LAMB4: variants seen among roughly 807,000 people sequenced by gnomAD.
The protein encoded by LAMB4 is laminin subunit beta 4, also known as laminin subunit beta-4.
LAMB4 carries 196 observed loss-of-function variants against 199.2 expected under a neutral mutation model. The ratio of observed to expected loss-of-function variants is 0.98; its 90% CI spans 0.88 to 1.11. LAMB4 has a LOEUF of 1.11. LAMB4 is among the 50% of genes least tolerant of loss of function. The pLI, the probability that LAMB4 is intolerant of heterozygous loss-of-function variation, is 0.00. For synonymous variants in LAMB4, 744 were observed against 770.6 expected, an observed-to-expected ratio of 0.97 and a Z score of 0.57; for missense variants, 2,080 against 2,171.2, an observed-to-expected ratio of 0.96 and a Z score of 0.83.
chr7:108,017,405 A>G, the LAMB4 span, among the ~76,000 whole-genome samples: 1 of 152,178 alleles, frequency 6.6e-6, no homozygotes, highest in Admixed American at 6.5e-5. Flanking sequence ...CCAAGGGGAG[A>G]GAAGAAACAG....
chr7:108,013,840 T>C, the LAMB4 span, among the ~76,000 whole-genome samples: 1 of 152,176 alleles, frequency 6.6e-6, no homozygotes, highest in African/African-American at 2.4e-5. Flanking sequence ...ATTACTATGC[T>C]GGACCCATGC....
At chr7:108,012,062 A>G in the LAMB4 span, among the ~76,000 whole-genome samples, 1 of 150,076 alleles carries the variant, frequency 6.7e-6, no homozygotes, top group African/African-American at 2.5e-5. Context: ...TCTATAAACA[A>G]AATATAAACA....
intron 1 of LAMB4, among the ~76,000 whole-genome samples, chr7:108,124,717 C>T (rs2038718985): frequency 6.6e-6 from 1 of 151,936 alleles, no homozygotes; most frequent in Admixed American, 6.6e-5. Context: ...AATATAAAAC[C>T]TCTTTCACGT....
At chr7:108,014,685 C>T in the LAMB4 span, among the ~76,000 whole-genome samples, 3 of 151,244 alleles carry the variant, frequency 2.0e-5, no homozygotes, top group Non-Finnish European at 4.4e-5. Context: ...TGTATGATGG[C>T]AGTCTGAAGG....
intron 1 of LAMB4, among the ~76,000 whole-genome samples, chr7:108,129,558 G>C (rs1377626026): frequency 6.8e-6 from 1 of 147,194 alleles, no homozygotes; most frequent in Non-Finnish European, 1.5e-5. Flanking sequence ...TTTTTTTGGA[G>C]ACAGAGTCTT....
At chr7:108,025,417 C>CTTTTCTTTTCTT (rs772964568) in intron 33 of LAMB4, among the ~76,000 whole-genome samples, 2 of 107,826 alleles carry the variant, frequency 1.9e-5, no homozygotes, top group Admixed American at 8.7e-5. Flanking sequence ...TTCTTTCTTT[C>CTTTTCTTTTCTT]TTCTTTCTTT....
chr7:108,040,018 T>C (rs1309351293), intron 29 of LAMB4, among the ~76,000 whole-genome samples: 2 of 152,170 alleles, frequency 1.3e-5, no homozygotes, highest in Admixed American at 6.5e-5. Context: ...GAAAACCCCG[T>C]AGCCTTGGCC....
chr7:108,110,118 C>T (rs948187802), intron 4 of LAMB4, among the ~76,000 whole-genome samples: 1 of 152,200 alleles, frequency 6.6e-6, no homozygotes, highest in Non-Finnish European at 1.5e-5. Context: ...CAACCTCTGC[C>T]TCCCGGGTCA....
At chr7:108,118,703 A>G (rs963223400) in intron 2 of LAMB4, among the ~76,000 whole-genome samples, 2 of 152,130 alleles carry the variant, frequency 1.3e-5, no homozygotes, top group African/African-American at 4.8e-5. Flanking sequence ...TATAAAACAT[A>G]GGAGAAAATC....
the LAMB4 span, among the ~76,000 whole-genome samples, chr7:108,016,145 A>G: frequency 1.3e-5 from 2 of 152,170 alleles, no homozygotes; most frequent in African/African-American, 2.4e-5. Flanking sequence ...GTCGCAGGGC[A>G]CATTTCCCAT....
chr7:108,073,831 G>T (rs1346900586), intron 17 of LAMB4, among the ~76,000 whole-genome samples: 1 of 152,226 alleles, frequency 6.6e-6, no homozygotes, highest in Non-Finnish European at 1.5e-5. Context: ...GGCCTTGGCA[G>T]GCTGGTGTAC....
intron 14 of LAMB4, among the ~76,000 whole-genome samples, chr7:108,091,008 TC>T (rs1460860864): frequency 1.3e-5 from 2 of 152,044 alleles, no homozygotes; most frequent in African/African-American, 4.8e-5. Flanking sequence ...CTAGAATTAG[TC>T]CCCCTTGTTT....
At chr7:108,035,750 T>C (rs1445050275) in intron 30 of LAMB4, among the ~76,000 whole-genome samples, 1 of 152,106 alleles carries the variant, frequency 6.6e-6, no homozygotes, top group Non-Finnish European at 1.5e-5. Flanking sequence ...TGTTACCTGC[T>C]TTTTATTTTC....
intron 31 of LAMB4, among the ~76,000 whole-genome samples, chr7:108,031,343 A>G (rs1025725448): frequency 4.3e-5 from 5 of 115,422 alleles, no homozygotes; most frequent in African/African-American, 9.7e-5. Context: ...AAAAAAAAAA[A>G]AAAAGAAAAA....
intron 14 of LAMB4, among the ~76,000 whole-genome samples, chr7:108,080,960 A>G (rs575908351): frequency 3.3e-5 from 5 of 152,196 alleles, no homozygotes; most frequent in African/African-American, 1.2e-4. Flanking sequence ...CGTCTCTACT[A>G]AAAATACAAA....
At chr7:108,102,369 C>A (rs1421044426) in intron 10 of LAMB4, among the ~76,000 whole-genome samples, 3 of 152,014 alleles carry the variant, frequency 2.0e-5, no homozygotes, top group Non-Finnish European at 4.4e-5. Flanking sequence ...ATATATTGTT[C>A]ATAGATAAAA....
intron 10 of LAMB4, among the ~76,000 whole-genome samples, chr7:108,102,350 C>T (rs1446346866): frequency 2.0e-5 from 3 of 152,026 alleles, no homozygotes; most frequent in Admixed American, 1.3e-4. Context: ...ACTTTGAAAA[C>T]ATGTCAACAT....
chr7:108,054,327 G>C (rs1156433687), intron 25 of LAMB4, among the ~76,000 whole-genome samples: 2 of 152,160 alleles, frequency 1.3e-5, no homozygotes, highest in Admixed American at 6.5e-5. Context: ...CCCTGTCACT[G>C]CATTTATGAT....
rs1195164749 is a variant in LAMB4, at chr7:108,069,872, G to C, written c.2138C>G (p.Pro713Arg). Residue 713 changes from proline (P) to arginine (R), a missense_variant, in exon 18 of 34, where the codon CCC becomes CGC. By Grantham distance (103) the Pro-to-Arg change is moderately radical. Coordinates refer to ENST00000388781, the MANE Select transcript of LAMB4 (RefSeq NM_007356.3). ...HVLVDSLGLI[P>R]QINSLENFCS... ...GAAATTCTCCAATGAATTGATTTGG[G>C]GAATAAGGCCAAGCTTTTGAAAGAA... is the stretch of plus-strand genomic sequence containing the variant. 5 of 1,610,794 alleles carry C rather than the reference G, an allele frequency of 3.1e-6. No individual in the cohort carries two copies. In the African/African-American group the frequency reaches 5.3e-5, roughly 17 times the overall value.
Sources: allele counts gnomAD v4.1 joint callset (sites outside exome capture counted in the v4.1 genomes callset), GRCh38; gene constraint gnomAD v4.1.1; transcripts MANE v1.5; gene names NCBI Gene and HGNC (gene_info 2026-07-23, HGNC 2026-07-21).